GLIS1: variants seen among roughly 807,000 people sequenced by gnomAD.
GLIS1 encodes the protein GLIS family zinc finger 1.
GLIS1 carries 24 observed loss-of-function variants against 63.8 expected under a neutral mutation model. The observed-to-expected ratio is 0.38, with a 90% CI of 0.27 to 0.53. The LOEUF (loss-of-function observed/expected upper bound fraction) is 0.53. Ranked by LOEUF, GLIS1 falls within the 20% of genes least tolerant of loss-of-function variation. The probability of loss-of-function intolerance (pLI) is 0.85; values close to 1 mark genes in which losing one functional copy is unlikely to be tolerated. For synonymous variants in GLIS1, 450 were observed against 482.5 expected, an observed-to-expected ratio of 0.93 and a Z score of 0.88; for missense variants, 1,036 against 1,074.1, an observed-to-expected ratio of 0.96 and a Z score of 0.50.
intron 2 of GLIS1, among the ~76,000 whole-genome samples, chr1:53,696,564 T>C (rs374955149): frequency 6.6e-6 from 1 of 152,146 alleles, no homozygotes; most frequent in Non-Finnish European, 1.5e-5. Context: ...AAACTCTCCA[T>C]GGCCCCCTCT....
At chr1:53,517,461 A>C (rs1569730931) in intron 7 of GLIS1, among the ~76,000 whole-genome samples, 1 of 151,924 alleles carries the variant, frequency 6.6e-6, no homozygotes, top group East Asian at 1.9e-4. Context: ...TCTCCTTAGC[A>C]CCTCTTCGCC....
chr1:53,509,174 T>G lies in GLIS1; in HGVS notation c.2176A>C (p.Asn726His). The G allele has an allele frequency of 1.2e-6, 2 of 1,601,756 alleles. No individual in the cohort carries two copies. The highest frequency in any genetic ancestry group is 1.7e-6 in the Non-Finnish European group (2 of 1,174,954). ...TGGTAGCCATTGGGCCGCAGGGGGT[T>G]GAAACCGTGGGTCTCCCCGACCAGT... Reference protein sequence around the residue: ...DGLVGETHGFNPLRPNGYHSL... With the variant: ...DGLVGETHGFHPLRPNGYHSL... Residue 726 changes from asparagine to histidine, a missense_variant, in exon 10 of 11, where the codon AAC becomes CAC. Physicochemically the swap from Asn to His is moderately conservative, Grantham distance 68. Around this residue, in one of 3 missense-constraint regions of GLIS1, gnomAD observed 400 missense variants for 400.9 expected, o/e 1.00. Transcript: ENST00000628545.
chr1:53,689,921 C>T (rs1041110990), intron 2 of GLIS1, among the ~76,000 whole-genome samples: 1 of 152,240 alleles, frequency 6.6e-6, no homozygotes, highest in African/African-American at 2.4e-5. Context: ...CACCACTGTG[C>T]ACCTCTGGGC....
chr1:53,702,019 AAAAG>A (rs1298032569), intron 2 of GLIS1, among the ~76,000 whole-genome samples: 2 of 151,318 alleles, frequency 1.3e-5, no homozygotes, highest in African/African-American at 2.4e-5. Flanking sequence ...AAAAAAAAAA[AAAAG>A]AAAGTCCAGC....
At chr1:53,658,103 A>T (rs193235448) in intron 2 of GLIS1, among the ~76,000 whole-genome samples, 84 of 151,866 alleles carry the variant, frequency 5.5e-4, no homozygotes, top group Middle Eastern at 6.8e-3. Flanking sequence ...GATGGAGCAC[A>T]CTCTTCAGAG....
Position 53,710,084 on chromosome 1 carries a change from G to C in GLIS1, c.259+27722C>G, listed in dbSNP as rs572396395. 1.2e-4 allele frequency among the ~76,000 whole-genome samples: 18 copies of C among 152,280 alleles called. No homozygotes were observed. The South Asian group carries it at 3.3e-3, about 28-fold the overall frequency. On this transcript the variant is annotated intron_variant, in intron 2 of 10. Coordinates refer to ENST00000628545, the MANE Select transcript of GLIS1 (RefSeq NM_001367484.1). The stretch of plus-strand genomic sequence containing the variant: ...GATGGTCCACCAGCTACAAACCCCA[G>C]CTGGGACTGCCCATTCAGCTTGGAA...
intron 7 of GLIS1, among the ~76,000 whole-genome samples, chr1:53,518,133 T>A (rs897348097): frequency 1.3e-5 from 2 of 152,156 alleles, no homozygotes; most frequent in African/African-American, 4.8e-5. Context: ...TCCTAGGGGA[T>A]CCAGGACCCC....
chr1:53,615,688 A>G (rs1645474178), intron 2 of GLIS1, among the ~76,000 whole-genome samples: 1 of 152,156 alleles, frequency 6.6e-6, no homozygotes, highest in Non-Finnish European at 1.5e-5. Flanking sequence ...CTATAATTCC[A>G]TGAATCTCTC....
At chr1:53,690,894 C>G (rs1247343927) in intron 2 of GLIS1, among the ~76,000 whole-genome samples, 4 of 152,200 alleles carry the variant, frequency 2.6e-5, no homozygotes, top group Non-Finnish European at 5.9e-5. Flanking sequence ...CTCACAACAA[C>G]CCCTTGAGGT....
intron 4 of GLIS1, among the ~76,000 whole-genome samples, chr1:53,549,294 A>T (rs535324093): frequency 1.3e-5 from 2 of 152,206 alleles, no homozygotes; most frequent in African/African-American, 4.8e-5. Context: ...TCTTTGCTCT[A>T]TACCTAGGAG....
intron 4 of GLIS1, among the ~76,000 whole-genome samples, chr1:53,547,809 A>C (rs1644719848): frequency 6.6e-6 from 1 of 152,192 alleles, no homozygotes. Flanking sequence ...ACAGAATGGC[A>C]GTGATTTCTC....
At chr1:53,552,950 A>T (rs1362783137) in intron 4 of GLIS1, among the ~76,000 whole-genome samples, 1 of 152,196 alleles carries the variant, frequency 6.6e-6, no homozygotes, top group Non-Finnish European at 1.5e-5. Flanking sequence ...ACCAATGAGG[A>T]GATGGAGTTA....
intron 4 of GLIS1, among the ~76,000 whole-genome samples, chr1:53,571,613 GTCAC>G (rs1294090527): frequency 2.6e-5 from 4 of 151,740 alleles, no homozygotes; most frequent in African/African-American, 9.7e-5. Flanking sequence ...GTCTCACTCT[GTCAC>G]TCAGTCTGGA....
intron 4 of GLIS1, among the ~76,000 whole-genome samples, chr1:53,538,622 A>G (rs1448572892): frequency 1.3e-5 from 2 of 152,258 alleles, no homozygotes; most frequent in African/African-American, 4.8e-5. Flanking sequence ...CTGGCAGGCC[A>G]GGGAGGGCTG....
intron 8 of GLIS1, 33 bp downstream of exon 8, chr1:53,514,592 G>T (rs777726130): frequency 1.3e-6 from 2 of 1,599,514 alleles, no homozygotes; most frequent in East Asian, 2.3e-5. Context: ...CCCCCTTGTT[G>T]CCCCTGGAGG....
At chr1:53,561,177 C>G (rs1183230081) in intron 4 of GLIS1, among the ~76,000 whole-genome samples, 1 of 152,222 alleles carries the variant, frequency 6.6e-6, no homozygotes, top group African/African-American at 2.4e-5. Context: ...GAAATTGAGG[C>G]TCAGAGAGGC....
At chr1:53,729,393 A>C (rs1646836896) in intron 2 of GLIS1, among the ~76,000 whole-genome samples, 1 of 152,094 alleles carries the variant, frequency 6.6e-6, no homozygotes, top group Non-Finnish European at 1.5e-5. Flanking sequence ...TTGATCAATC[A>C]TTTGGCCTCA....
At chr1:53,670,342 C>G (rs1334770871) in intron 2 of GLIS1, among the ~76,000 whole-genome samples, 1 of 152,198 alleles carries the variant, frequency 6.6e-6, no homozygotes, top group Non-Finnish European at 1.5e-5. Flanking sequence ...CTCCTCCCGA[C>G]AGACCCCAAT....
In GLIS1 at chr1:53,672,005, T is replaced by C. The variant is rs1321795863; in HGVS notation, c.259+65801A>G. On this transcript the variant is annotated intron_variant, in intron 2 of 10. Coordinates refer to ENST00000628545, the MANE Select transcript of GLIS1 (RefSeq NM_001367484.1). Reference sequence around the variant, plus strand: ...GATGAGGAAATTCTCAGCTTTTCCCTCTGTGAGCTATAGCCTGGGATACAC... The same window carrying C: ...GATGAGGAAATTCTCAGCTTTTCCCCCTGTGAGCTATAGCCTGGGATACAC... Among the ~76,000 whole-genome samples, 4 of 152,304 alleles carry C rather than the reference T, an allele frequency of 2.6e-5. No homozygotes were observed. The East Asian group carries it at 5.8e-4, about 22-fold the overall frequency.
Sources: allele counts gnomAD v4.1 joint callset (sites outside exome capture counted in the v4.1 genomes callset), GRCh38; gene constraint gnomAD v4.1.1; regional missense constraint gnomAD v4.1.1; transcripts MANE v1.5; gene names NCBI Gene and HGNC (gene_info 2026-07-23, HGNC 2026-07-21).